The following RBM6 variants were observed in gnomAD, a reference collection of about 807,000 sequenced individuals.
The protein encoded by RBM6 is RNA-binding protein 6.
A neutral mutation model predicts 140.4 loss-of-function variants in RBM6; 23 were observed. That is an observed-to-expected ratio of 0.16 (90% CI 0.12 to 0.23). The LOEUF (loss-of-function observed/expected upper bound fraction) is 0.23, where lower values mean the gene tolerates loss of function less well. Among genes scored for constraint, RBM6 ranks in the 10% least tolerant of loss-of-function variants. The pLI, the probability that RBM6 is intolerant of heterozygous loss-of-function variation, is 1.00. For missense variants in RBM6, 1,139 were observed against 1,386.7 expected (o/e 0.82, Z 2.84); for synonymous variants, 439 against 475.6 (o/e 0.92, Z 1.00).
chr3:50,057,680 T>A (rs751599573), intron 8 of RBM6, 48 bp from the exon 9 acceptor site: 1 of 1,501,850 alleles, frequency 6.7e-7, no homozygotes, highest in Non-Finnish European at 8.9e-7. Flanking sequence ...CTTTTTTTTT[T>A]TTTTTGATAA....
intron 3 of RBM6, among the ~76,000 whole-genome samples, chr3:49,968,960 G>A (rs546236379): frequency 5.3e-5 from 7 of 130,868 alleles, no homozygotes; most frequent in Non-Finnish European, 8.3e-5. Context: ...GAGCCACCGC[G>A]CCCGGCCTGC....
At chr3:49,987,224 A>G (rs1157101575) in intron 5 of RBM6, among the ~76,000 whole-genome samples, 1 of 151,922 alleles carries the variant, frequency 6.6e-6, no homozygotes, top group African/African-American at 2.4e-5. Flanking sequence ...TGCTGGGATT[A>G]CAGGCATGAG....
chr3:50,061,977 C>A lies in RBM6; in HGVS notation c.2455C>A (p.Pro819Thr). Residue 819 changes from proline to threonine, a missense_variant, in exon 15 of 21, where the codon CCC (proline) becomes ACC (threonine). Around this residue, in one of 9 missense-constraint regions of RBM6, gnomAD observed 163 missense variants for 182.8 expected, o/e 0.89. Transcript: ENST00000266022. ...DPNTQQEVYV[P>T]QDPGLPEEEE... ...TGTATCGCAGCAAGAAGTCTATGTG[C>A]CCCAGGATCCTGGATTACCTGAGGA... 1.2e-6 allele frequency: 2 copies of A among 1,613,536 alleles called. No individual in the cohort carries two copies. The highest frequency in any genetic ancestry group is 1.7e-6 in the Non-Finnish European group (2 of 1,179,828).
At chr3:50,061,098 C>T (rs1559645098) in intron 12 of RBM6, 42 bp from the exon 13 acceptor site, 3 of 1,613,208 alleles carry the variant, frequency 1.9e-6, no homozygotes, top group Non-Finnish European at 2.5e-6. Flanking sequence ...GGTGAATGAC[C>T]ATTGGATAGT....
At chr3:49,988,031 T>C (rs1056167158) in intron 5 of RBM6, among the ~76,000 whole-genome samples, 32 of 152,352 alleles carry the variant, frequency 2.1e-4, no homozygotes, top group Non-Finnish European at 3.8e-4. Flanking sequence ...TATACTTTGG[T>C]AATCAAGACA....
intron 6 of RBM6, among the ~76,000 whole-genome samples, chr3:50,047,638 C>T (rs1425631137): frequency 6.6e-6 from 1 of 152,190 alleles, no homozygotes; most frequent in Non-Finnish European, 1.5e-5. Flanking sequence ...GCCGCTGTTG[C>T]TCCCACCAGC....
intron 15 of RBM6, 56 bp from the exon 16 acceptor site, chr3:50,064,975 C>A: frequency 6.8e-7 from 1 of 1,466,060 alleles, no homozygotes; most frequent in Non-Finnish European, 9.5e-7. Flanking sequence ...CCCAGCCCAG[C>A]CTTTATCAGT....
chr3:49,989,593 AAAT>A (rs994922203), intron 5 of RBM6, among the ~76,000 whole-genome samples: 10 of 152,052 alleles, frequency 6.6e-5, no homozygotes, highest in Non-Finnish European at 1.3e-4. Flanking sequence ...TAAATAAATA[AAAT>A]AATAATAATA....
At chr3:49,969,519 ATATT>A (rs1023205307) in intron 3 of RBM6, among the ~76,000 whole-genome samples, 32 of 147,396 alleles carry the variant, frequency 2.2e-4, no homozygotes, top group African/African-American at 7.6e-4. Context: ...TTATATATAT[ATATT>A]TCTTTTTTCT....
intron 6 of RBM6, among the ~76,000 whole-genome samples, chr3:50,026,630 C>A (rs558004716): frequency 1.4e-5 from 2 of 146,788 alleles, no homozygotes; most frequent in Non-Finnish European, 3.0e-5. Flanking sequence ...AAGACTCTGT[C>A]TCTCAAAAAA....
intron 1 of RBM6, among the ~76,000 whole-genome samples, chr3:49,951,805 C>T (rs1379610069): frequency 6.6e-6 from 1 of 152,020 alleles, no homozygotes; most frequent in African/African-American, 2.4e-5. Flanking sequence ...TCACTGCAAC[C>T]TCCATCTCCC....
intron 6 of RBM6, among the ~76,000 whole-genome samples, chr3:50,039,665 C>G (rs1301325099): frequency 6.6e-6 from 1 of 152,104 alleles, no homozygotes; most frequent in African/African-American, 2.4e-5. Flanking sequence ...TTTTAAAAAT[C>G]TGCATTTTAG....
intron 5 of RBM6, among the ~76,000 whole-genome samples, chr3:49,977,218 C>G (rs888098342): frequency 2.6e-5 from 4 of 152,186 alleles, no homozygotes; most frequent in African/African-American, 9.7e-5. Flanking sequence ...TTGCTGTAGC[C>G]ACACTGAGCT....
intron 6 of RBM6, among the ~76,000 whole-genome samples, chr3:50,045,683 T>C (rs748779485): frequency 4.1e-4 from 62 of 152,146 alleles, no homozygotes; most frequent in Admixed American, 2.0e-3. Context: ...GTGAAATGAG[T>C]GGCTGTTTGA....
At chr3:50,009,612 A>G (rs1313689643) in intron 6 of RBM6, among the ~76,000 whole-genome samples, 3 of 152,174 alleles carry the variant, frequency 2.0e-5, no homozygotes, top group African/African-American at 7.2e-5. Flanking sequence ...GCTGGAGTGC[A>G]GCGGCATGAT....
In RBM6 at chr3:50,057,848, G is replaced by A. The variant is rs778546685; in HGVS notation, c.1814G>A (p.Arg605Lys). The change falls in exon 9 of 21, where the codon AGG (arginine) becomes AAG (lysine). Residue 605 changes from arginine to lysine, a missense_variant. Arg to Lys is a conservative substitution (Grantham distance 26). Coordinates refer to ENST00000266022, the MANE Select transcript of RBM6 (RefSeq NM_005777.3). The part of the protein sequence containing the change: ...LRPADKEPEP[R>K]KREEGQESRL... ...CCAGCTGATAAGGAACCTGAACCCA[G>A]GAAGAGGGAAGAAGGCCAAGAGTCA... is the stretch of plus-strand genomic sequence containing the variant. 6 of 1,613,910 alleles carry A rather than the reference G, an allele frequency of 3.7e-6. No individual in the cohort carries two copies. Among genetic ancestry groups the A allele is most frequent in the Non-Finnish European group, 4.2e-6 (5 of 1,179,988 alleles).
At chr3:50,000,722 C>T (rs1221086275) in intron 6 of RBM6, among the ~76,000 whole-genome samples, 1 of 152,104 alleles carries the variant, frequency 6.6e-6, no homozygotes. Context: ...CCCAGCCAGG[C>T]CCAGAATCTT....
intron 1 of RBM6, among the ~76,000 whole-genome samples, chr3:49,959,715 T>C (rs1395597261): frequency 4.0e-4 from 60 of 150,694 alleles, no homozygotes; most frequent in Non-Finnish European, 8.9e-5. Context: ...GGACTACAGG[T>C]GCCCGCCACT....
intron 11 of RBM6, among the ~76,000 whole-genome samples, 179 bp downstream of exon 11, chr3:50,059,925 T>C (rs1209995380): frequency 6.6e-6 from 1 of 152,234 alleles, no homozygotes; most frequent in Non-Finnish European, 1.5e-5. Context: ...CGAATTGTTT[T>C]CTTTCTTGAA....
Sources: gnomAD v4.1 joint callset for allele counts (sites outside exome capture counted in the v4.1 genomes callset) on GRCh38, gnomAD v4.1.1 for gene constraint, gnomAD v4.1.1 regional missense constraint, MANE v1.5 for transcripts, NCBI Gene and HGNC (gene_info 2026-07-23, HGNC 2026-07-21) for gene names.